Variants in NT5DC4 observed in about 807,000 individuals in gnomAD.
The protein encoded by NT5DC4 is 5'-nucleotidase domain-containing protein 4.
A neutral mutation model predicts 26.6 loss-of-function variants in NT5DC4; 44 were observed. The ratio of observed to expected loss-of-function variants is 1.65; its 90% CI spans 1.30 to 2.13. The LOEUF (loss-of-function observed/expected upper bound fraction) is 2.13. Among genes scored for constraint, NT5DC4 ranks in the 30% most tolerant of loss-of-function variants. The probability of loss-of-function intolerance (pLI) is 0.00; values close to 1 mark genes in which losing one functional copy is unlikely to be tolerated. For missense variants in NT5DC4, 399 were observed against 228.1 expected (o/e 1.75, Z -4.83); for synonymous variants, 157 against 86.7 (o/e 1.81, Z -4.51).
In NT5DC4 at chr2:112,722,196, G is replaced by A. The variant is rs780535222; in HGVS notation, c.280G>A (p.Asp94Asn). ...PTFPTRRLVF[D>N]ELYGNLLKVD... ...CCCCGTCTGCAGGCGGCTGGTGTTC[G>A]ATGAACTCTATGGGAACCTGCTGAA... is the stretch of plus-strand genomic sequence containing the variant. The change falls in exon 4 of 17, where the codon GAT becomes AAT. Residue 94 changes from aspartate to asparagine, a missense_variant. Asp to Asn is a conservative substitution (Grantham distance 23). Transcript: ENST00000688554. 14 of 716,960 alleles carry A rather than the reference G, an allele frequency of 2.0e-5. No homozygotes were observed. Among genetic ancestry groups the A allele is most frequent in the South Asian group, 8.9e-5 (6 of 67,596 alleles). 44.4% of individuals were successfully genotyped at this position (716,960 alleles called of 1,614,324 possible).
chr2:112,725,134 G>T, intron 11 of NT5DC4, 40 bp from the exon 12 acceptor site: 1 of 703,654 alleles, frequency 1.4e-6, no homozygotes, highest in Non-Finnish European at 2.7e-6. Context: ...GACCAAAGAT[G>T]TGGTTCTCCT....
At chr2:112,738,777 C>A in intron 16 of NT5DC4, 136 bp from the exon 17 acceptor site, 1 of 1,288,378 alleles carries the variant, frequency 7.8e-7, no homozygotes, top group South Asian at 1.2e-5. Flanking sequence ...TATTTCTTGT[C>A]TTATGTTGGT....
At chr2:112,722,642 G>A (rs1290465008) in intron 5 of NT5DC4, 53 bp downstream of exon 5, 1 of 717,482 alleles carries the variant, frequency 1.4e-6, no homozygotes. Context: ...GGAGCTGAGG[G>A]TCCCAGCTCT....
chr2:112,741,094 C>T, downstream of NT5DC4: 1 of 848,358 alleles, frequency 1.2e-6, no homozygotes, highest in South Asian at 1.6e-5. Flanking sequence ...TACATACATA[C>T]AATGATTTCC....
chr2:112,741,359 G>T (rs1367510634), downstream of NT5DC4, among the ~76,000 whole-genome samples: 1 of 152,048 alleles, frequency 6.6e-6, no homozygotes, highest in African/African-American at 2.4e-5. Context: ...CCACACCTTG[G>T]ATCAATTTTC....
intron 11 of NT5DC4, 56 bp downstream of exon 11, chr2:112,724,962 T>C: frequency 8.5e-6 from 6 of 709,242 alleles, no homozygotes; most frequent in Non-Finnish European, 1.6e-5. Flanking sequence ...GCCTGCCCCT[T>C]AGACTTGACC....
chr2:112,738,805 A>T (rs754274525), intron 16 of NT5DC4, 108 bp from the exon 17 acceptor site: 8 of 1,517,122 alleles, frequency 5.3e-6, no homozygotes, highest in East Asian at 2.3e-5. Flanking sequence ...CACCTTTTTT[A>T]AAAAAAGCAT....
Position 112,722,561 on chromosome 2 carries a change from C to T in NT5DC4, c.441C>T (p.Tyr147=). 1 of 717,472 alleles carries T rather than the reference C, an allele frequency of 1.4e-6. No individual in the cohort carries two copies. The highest frequency in any genetic ancestry group is 2.6e-6 in the Non-Finnish European group (1 of 385,098). 44.4% of individuals were successfully genotyped at this position (717,472 alleles called of 1,614,324 possible). Residue 147 remains tyrosine (Y), a synonymous_variant, in exon 5 of 17, where the codon TAC becomes TAT. Transcript: ENST00000688554. The part of the protein sequence containing the change: ...FIQRDDLQCF[Y]ILNMLFNLPE... ...AGAGGGACGACCTGCAGTGTTTCTACATACTCAACATGCTCTTCAACCTGC... is the reference window on the plus strand; with the variant it reads ...AGAGGGACGACCTGCAGTGTTTCTATATACTCAACATGCTCTTCAACCTGC...
chr2:112,729,844 T>A, intron 16 of NT5DC4, 140 bp downstream of exon 16: 1 of 622,920 alleles, frequency 1.6e-6, no homozygotes. Flanking sequence ...TCTGCAAGCA[T>A]AGTCATTCCT....
At chr2:112,721,716 G>T in intron 1 of NT5DC4, 102 bp from the exon 2 acceptor site, 1 of 715,458 alleles carries the variant, frequency 1.4e-6, no homozygotes, top group South Asian at 1.5e-5. Flanking sequence ...GCTGCAGGGG[G>T]TGCTCTGCCC....
At chr2:112,724,335 G>T in intron 10 of NT5DC4, 1 of 610,640 alleles carries the variant, frequency 1.6e-6, no homozygotes, top group South Asian at 1.9e-5. Flanking sequence ...GAGCCTTTGG[G>T]GGTGATAGGA....
chr2:112,732,862 A>T (rs2104792049), intron 16 of NT5DC4, among the ~76,000 whole-genome samples: 1 of 152,190 alleles, frequency 6.6e-6, no homozygotes, highest in East Asian at 1.9e-4. Flanking sequence ...GTTTCTCTTT[A>T]GTCCCTCGCT....
rs572356087 is a variant in NT5DC4 at position 112,721,842 on chromosome 2, G to T, written c.99G>T (p.Ala33=). 69 of 717,344 alleles carry T rather than the reference G, an allele frequency of 9.6e-5. No homozygotes were observed. The East Asian group carries it at 1.8e-3, about 18-fold the overall frequency. 44.4% of individuals were successfully genotyped at this position (717,344 alleles called of 1,614,324 possible). Reference sequence around the variant, plus strand: ...GGATTTTTGTCAACCGCAGCCTGGCGCTGGGGAAGATTCGTTGCTTTGGCT... The same window carrying T: ...GGATTTTTGTCAACCGCAGCCTGGCTCTGGGGAAGATTCGTTGCTTTGGCT... The part of the protein sequence containing the change: ...HQRIFVNRSL[A]LGKIRCFGFD... The change falls in exon 2 of 17, where the codon GCG becomes GCT. Residue 33 remains alanine (A), a synonymous_variant. Transcript: ENST00000688554.
At chr2:112,719,195 T>C (rs1676614604), upstream of NT5DC4, among the ~76,000 whole-genome samples, 1 of 152,188 alleles carries the variant, frequency 6.6e-6, no homozygotes, top group Non-Finnish European at 1.5e-5. Flanking sequence ...TGAGTGATGC[T>C]TTGCATTATG....
downstream of NT5DC4, among the ~76,000 whole-genome samples, chr2:112,741,940 G>GT (rs57634251): frequency 0.017 from 1,200 of 71,920 alleles, 30 homozygotes; most frequent in Middle Eastern, 0.1. Flanking sequence ...TTTCTTTTCT[G>GT]TTTTTTTTTT....
At chr2:112,725,086 C>T in intron 11 of NT5DC4, 88 bp from the exon 12 acceptor site, 2 of 661,996 alleles carry the variant, frequency 3.0e-6, no homozygotes, top group Admixed American at 2.2e-5. Context: ...ATGGTTACCT[C>T]TGCCACTCCC....
chr2:112,720,596 A>G (rs72950340), upstream of NT5DC4, among the ~76,000 whole-genome samples: 1,894 of 152,308 alleles, frequency 0.012, 39 homozygotes, highest in African/African-American at 0.043. Context: ...CCCAATTCTT[A>G]TAGCCCTTGG....
chr2:112,739,127 T>G, downstream of NT5DC4: 2 of 1,106,740 alleles, frequency 1.8e-6, no homozygotes, highest in South Asian at 2.8e-5. Context: ...TCTTATTCAA[T>G]AATAAAACAG....
At chr2:112,728,643 T>C (rs1346251572) in intron 15 of NT5DC4, among the ~76,000 whole-genome samples, 1 of 152,170 alleles carries the variant, frequency 6.6e-6, no homozygotes, top group Non-Finnish European at 1.5e-5. Flanking sequence ...CTTCCAGACG[T>C]TTGAGAGGGG....
Sources: allele counts gnomAD v4.1 joint callset (sites outside exome capture counted in the v4.1 genomes callset), GRCh38; gene constraint gnomAD v4.1.1; transcripts MANE v1.5; gene names NCBI Gene and HGNC (gene_info 2026-07-23, HGNC 2026-07-21).